The following SASH1 variants were observed in gnomAD, a reference collection of about 807,000 sequenced individuals.
SASH1 encodes SAM and SH3 domain containing 1.
In SASH1, 44 loss-of-function variants were observed where a neutral mutation model predicts 125.2. The ratio of observed to expected loss-of-function variants is 0.35; its 90% CI spans 0.28 to 0.45. SASH1 has a LOEUF of 0.45. Ranked by LOEUF, SASH1 falls within the 20% of genes least tolerant of loss-of-function variation. The pLI is 1.00. For synonymous variants in SASH1, 639 were observed against 649.1 expected (o/e 0.98, Z 0.24); for missense variants, 1,426 against 1,614.5 (o/e 0.88, Z 2.00).
chr6:148,265,751 C>T, the SASH1 span, among the ~76,000 whole-genome samples: 1 of 152,158 alleles, frequency 6.6e-6, no homozygotes, highest in Non-Finnish European at 1.5e-5. Context: ...CCTTCTGATG[C>T]CAGATCTAGG....
chr6:148,418,233 A>G (rs1784906446), intron 2 of SASH1, among the ~76,000 whole-genome samples: 1 of 152,216 alleles, frequency 6.6e-6, no homozygotes, highest in African/African-American at 2.4e-5. Context: ...TAGTTATTTA[A>G]GAGGGAATTT....
chr6:148,437,942 C>T (rs1776364768), intron 2 of SASH1, among the ~76,000 whole-genome samples: 1 of 152,036 alleles, frequency 6.6e-6, no homozygotes, highest in Non-Finnish European at 1.5e-5. Flanking sequence ...ATGCACTTAG[C>T]AAATAAAATC....
intron 11 of SASH1, among the ~76,000 whole-genome samples, chr6:148,526,580 A>G (rs1301119631): frequency 2.6e-5 from 4 of 152,158 alleles, no homozygotes; most frequent in African/African-American, 9.7e-5. Flanking sequence ...TTCTGCTGTC[A>G]ATCTTTTTTA....
chr6:148,379,503 A>AATGCT (rs1036389495), intron 1 of SASH1, among the ~76,000 whole-genome samples: 2 of 152,148 alleles, frequency 1.3e-5, no homozygotes, highest in African/African-American at 4.8e-5. Context: ...TATATATAAA[A>AATGCT]ATGCTGGTTT....
chr6:148,331,612 A>G (rs376667691), intron 1 of SASH1, among the ~76,000 whole-genome samples: 1 of 150,438 alleles, frequency 6.6e-6, no homozygotes. Context: ...TACAGGTGTC[A>G]GCCACCGCAC....
intron 8 of SASH1, among the ~76,000 whole-genome samples, chr6:148,497,599 A>G (rs1779367096): frequency 6.6e-6 from 1 of 152,218 alleles, no homozygotes; most frequent in African/African-American, 2.4e-5. Flanking sequence ...GTCAACTGTC[A>G]TTCTTAAAAT....
At chr6:148,324,194 G>C (rs977794887) in intron 1 of SASH1, among the ~76,000 whole-genome samples, 1 of 151,616 alleles carries the variant, frequency 6.6e-6, no homozygotes, top group African/African-American at 2.4e-5. Flanking sequence ...AGGCTGGAAG[G>C]ATCAGGTGAT....
chr6:148,338,405 C>G (rs1582984081), upstream of SASH1, among the ~76,000 whole-genome samples: 1 of 134,614 alleles, frequency 7.4e-6, no homozygotes, highest in African/African-American at 2.8e-5. Flanking sequence ...ACATCCTGGG[C>G]AACAGAGTGA....
At chr6:148,406,600 G>A (rs1396837341) in intron 2 of SASH1, among the ~76,000 whole-genome samples, 1 of 152,178 alleles carries the variant, frequency 6.6e-6, no homozygotes, top group East Asian at 1.9e-4. Context: ...AGCAAGACAG[G>A]GTCTGGCCCC....
intron 4 of SASH1, among the ~76,000 whole-genome samples, chr6:148,442,696 C>T (rs960093612): frequency 6.6e-6 from 1 of 152,122 alleles, no homozygotes; most frequent in Admixed American, 6.5e-5. Context: ...GTATAATGAC[C>T]AAATACAGGA....
chr6:148,505,589 G>A (rs1274843768), intron 8 of SASH1, among the ~76,000 whole-genome samples: 2 of 151,824 alleles, frequency 1.3e-5, no homozygotes, highest in Non-Finnish European at 2.9e-5. Flanking sequence ...GGGATTACAG[G>A]CATGAGCCAC....
intron 7 of SASH1, among the ~76,000 whole-genome samples, chr6:148,486,278 G>A (rs1778838456): frequency 6.6e-6 from 1 of 151,982 alleles, no homozygotes; most frequent in African/African-American, 2.4e-5. Flanking sequence ...GTGCCACCAA[G>A]CCCAGCTAAT....
rs1562510598 is a variant in SASH1 at position 148,549,813 on chromosome 6, CCTT to C, written c.*1256_*1258del. 2.7e-6 allele frequency: 1 copy of C among 369,986 alleles called. No individual in the cohort carries two copies. 22.9% of individuals were successfully genotyped at this position (369,986 alleles called of 1,614,324 possible). Reference sequence around the variant, plus strand: ...TACAACTGATTTCAGCACATTCTATCCTTTTTTTTTTTTGAAATGGAGTTTCGC... The same window carrying C: ...TACAACTGATTTCAGCACATTCTATCTTTTTTTTTTGAAATGGAGTTTCGC... On this transcript the variant is annotated 3_prime_UTR_variant, in exon 20 of 20. Transcript: ENST00000367467.
the SASH1 span, among the ~76,000 whole-genome samples, chr6:148,216,537 A>C: frequency 3.9e-5 from 6 of 152,188 alleles, no homozygotes; most frequent in Admixed American, 3.9e-4. Context: ...GAGTCAGGAC[A>C]TGTGGGTTCT....
chr6:148,442,008 A>G (rs1159408194), intron 4 of SASH1, among the ~76,000 whole-genome samples: 2 of 152,262 alleles, frequency 1.3e-5, no homozygotes, highest in Non-Finnish European at 2.9e-5. Context: ...TTGAAAGTTT[A>G]AAAACATTTT....
intron 1 of SASH1, among the ~76,000 whole-genome samples, chr6:148,297,169 TGGTGCAC>T (rs1779786731): frequency 1.3e-5 from 2 of 152,206 alleles, no homozygotes; most frequent in Non-Finnish European, 2.9e-5. Context: ...ACTCTGGGCA[TGGTGCAC>T]GCTGTCGCGG....
At chr6:148,374,707 G>GA (rs11393038) in intron 1 of SASH1, among the ~76,000 whole-genome samples, 1 of 150,854 alleles carries the variant, frequency 6.6e-6, no homozygotes, top group African/African-American at 2.4e-5. Flanking sequence ...TTTTTTTTGG[G>GA]GGGGGGGGAG....
intron 2 of SASH1, among the ~76,000 whole-genome samples, chr6:148,397,565 A>C (rs529857510): frequency 1.3e-5 from 2 of 152,188 alleles, no homozygotes; most frequent in Non-Finnish European, 2.9e-5. Flanking sequence ...TCAAATAAAT[A>C]TACCCACGTC....
intron 8 of SASH1, among the ~76,000 whole-genome samples, chr6:148,503,129 G>C (rs1418789104): frequency 2.0e-5 from 3 of 152,104 alleles, no homozygotes. Flanking sequence ...GGAAATATCT[G>C]TTTAGCACAA....
Sources: gnomAD v4.1 joint callset for allele counts (sites outside exome capture counted in the v4.1 genomes callset) on GRCh38, gnomAD v4.1.1 for gene constraint, MANE v1.5 for transcripts, NCBI Gene and HGNC (gene_info 2026-07-23, HGNC 2026-07-21) for gene names.